The following NBL1 variants were observed in gnomAD, a reference collection of about 807,000 sequenced individuals.
NBL1 encodes neuroblastoma suppressor of tumorigenicity 1.
Under a neutral mutation model 16.0 loss-of-function variants are expected in NBL1, and 9 were observed. The ratio of observed to expected loss-of-function variants is 0.56; its 90% CI spans 0.34 to 0.98. The LOEUF (loss-of-function observed/expected upper bound fraction) is 0.98. NBL1 is among the 50% of genes least tolerant of loss of function. NBL1 has a pLI of 0.02. For synonymous variants in NBL1, 86 were observed against 100.7 expected (o/e 0.85, Z 0.87); for missense variants, 196 against 243.1 (o/e 0.81, Z 1.29).
chr1:19,656,958 G>C lies in NBL1; in HGVS notation c.375G>C (p.Lys125Asn). Residue 125 changes from lysine to asparagine, a missense_variant, in exon 4 of 4, where the codon AAG (lysine) becomes AAC (asparagine). By Grantham distance (94) the Lys-to-Asn change is moderately conservative. Transcript: ENST00000375136. ...ACTGTAGCTGCCAGGCCTGCGGCAAGGAGCCTAGTCACGAGGGGCTGAGCG... is the reference window on the plus strand; with the variant it reads ...ACTGTAGCTGCCAGGCCTGCGGCAACGAGCCTAGTCACGAGGGGCTGAGCG... ...ILHCSCQACG[K>N]EPSHEGLSVY... is the part of the protein sequence containing the mutation. 6.2e-7 allele frequency: 1 copy of C among 1,612,448 alleles called. No homozygotes were observed.
Position 19,657,323 on chromosome 1 carries a change from T to G in NBL1, c.*194T>G. On this transcript the variant is annotated 3_prime_UTR_variant, in exon 4 of 4. Coordinates refer to ENST00000375136, the MANE Select transcript of NBL1 (RefSeq NM_005380.8). ...TAGAGCCAAGCTGCACAATTTAATATATTCAAGAGTGGGGGGAGGAAGCAG... is the reference window on the plus strand; with the variant it reads ...TAGAGCCAAGCTGCACAATTTAATAGATTCAAGAGTGGGGGGAGGAAGCAG... The G allele has an allele frequency of 2.7e-6, 1 of 366,240 alleles. No homozygotes were observed. The highest frequency in any genetic ancestry group is 4.9e-6 in the Non-Finnish European group (1 of 203,090). 22.7% of individuals were successfully genotyped at this position (366,240 alleles called of 1,614,324 possible). A position where few individuals can be genotyped will look rare whatever the true frequency, so the allele number is the denominator to read the frequency against.
chr1:19,655,239 G>A, intron 2 of NBL1, 39 bp downstream of exon 2: 1 of 1,607,562 alleles, frequency 6.2e-7, no homozygotes, highest in Non-Finnish European at 8.5e-7. Context: ...GCGGACAGGG[G>A]TCCAAGGAGG....
rs1350071654 is a variant in NBL1 at position 19,644,856 on chromosome 1, C to T, written c.-20+410C>T. Among the ~76,000 whole-genome samples the T allele has an allele frequency of 6.6e-6, 1 of 152,166 alleles. No homozygotes were observed. Among genetic ancestry groups the T allele is most frequent in the Non-Finnish European group, 1.5e-5 (1 of 67,998 alleles). On this transcript the variant is annotated intron_variant, in intron 1 of 3. Transcript: ENST00000375136. The surrounding 1 kb of genome is among the most constrained non-coding windows in gnomAD (Gnocchi z 4.6). Reference sequence around the variant, plus strand: ...GCCTCTCGGCTCTGGACGTTTCCGCCTCCCGCGGCCCCCTCTGCTTCGGTC... The same window carrying T: ...GCCTCTCGGCTCTGGACGTTTCCGCTTCCCGCGGCCCCCTCTGCTTCGGTC...
At chr1:19,649,840 T>G (rs548975232) in intron 1 of NBL1, among the ~76,000 whole-genome samples, 1 of 152,192 alleles carries the variant, frequency 6.6e-6, no homozygotes, top group African/African-American at 2.4e-5. Flanking sequence ...TTTTAAATTT[T>G]TGTAGAGATG....
chr1:19,653,792 G>T (rs762690307), intron 1 of NBL1, among the ~76,000 whole-genome samples: 2 of 152,234 alleles, frequency 1.3e-5, no homozygotes, highest in Non-Finnish European at 2.9e-5. Flanking sequence ...TTTTTGCACT[G>T]GGGGGCATGG....
Position 19,644,498 on chromosome 1 carries a change from C to T in NBL1, c.-20+52C>T, listed in dbSNP as rs1018407197. The T allele has an allele frequency of 1.3e-4, 127 of 950,100 alleles. No homozygotes were observed. The East Asian group carries it at 0.013, about 95-fold the overall frequency. 58.9% of individuals were successfully genotyped at this position (950,100 alleles called of 1,614,324 possible). A position where few individuals can be genotyped will look rare whatever the true frequency, so the allele number is the denominator to read the frequency against. On this transcript the variant is annotated intron_variant, in intron 1 of 3. Coordinates refer to ENST00000375136, the MANE Select transcript of NBL1 (RefSeq NM_005380.8). The surrounding 1 kb of genome is among the most constrained non-coding windows in gnomAD (Gnocchi z 4.6). ...GGCGCCCGGCTTCCAGAGGCTTCGG[C>T]CGCGGGGGCAGTGCCGCGCCCCCAG...
In NBL1 at chr1:19,644,356, C is replaced by CCCCGCCCTGCCGGCCGCCT; in HGVS notation, c.-108_-90dup. 1.0e-6 allele frequency: 1 copy of CCCCGCCCTGCCGGCCGCCT among 978,470 alleles called. No homozygotes were observed. The highest frequency in any genetic ancestry group is 1.2e-6 in the Non-Finnish European group (1 of 826,852). The allele number at this position is 978,470 out of a possible 1,614,324, so 60.6% of individuals were successfully genotyped here. On this transcript the variant is annotated 5_prime_UTR_variant, in exon 1 of 4. Coordinates refer to ENST00000375136, the MANE Select transcript of NBL1 (RefSeq NM_005380.8). The surrounding 1 kb of genome is among the most constrained non-coding windows in gnomAD (Gnocchi z 4.6). Reference sequence around the variant, plus strand: ...CCCAGCCGAGCGTCGCGGGGCCGCCCCCCGCCCTGCCGGCCGCCTCGCCGA... The same window carrying CCCCGCCCTGCCGGCCGCCT: ...CCCAGCCGAGCGTCGCGGGGCCGCCCCCCGCCCTGCCGGCCGCCTCCCGCCCTGCCGGCCGCCTCGCCGA...
chr1:19,651,717 G>C (rs928599480), intron 1 of NBL1, among the ~76,000 whole-genome samples: 1 of 123,786 alleles, frequency 8.1e-6, no homozygotes, highest in Non-Finnish European at 1.7e-5. Context: ...TTTCCTTTTT[G>C]ACAGGTTCTT....
chr1:19,646,890 A>G (rs2094983820), intron 1 of NBL1, among the ~76,000 whole-genome samples: 1 of 152,182 alleles, frequency 6.6e-6, no homozygotes, highest in East Asian at 1.9e-4. Flanking sequence ...GTTTTCCCTA[A>G]ATCCAGTTTC....
At position 19,655,400 on chromosome 1, in the gene NBL1, G is replaced by C; in HGVS notation, c.247G>C (p.Asp83His). The C allele has an allele frequency of 6.2e-7, 1 of 1,614,128 alleles. No homozygotes were observed. Among genetic ancestry groups the C allele is most frequent in the Non-Finnish European group, 8.5e-7 (1 of 1,180,010 alleles). The change falls in exon 3 of 4, where the codon GAC (aspartate) becomes CAC (histidine). Residue 83 changes from aspartate to histidine, a missense_variant. Physicochemically the swap from Asp to His is moderately conservative, Grantham distance 81 (BLOSUM62 -1). Transcript: ENST00000375136. ...PQSTESLVHC[D>H]SCMPAQSMWE... ...GTCCACAGAGTCCCTGGTTCACTGT[G>C]ACTCCTGCATGCCAGCCCAGTCCAT... is the stretch of plus-strand genomic sequence containing the variant.
intron 3 of NBL1, 59 bp from the exon 4 acceptor site, chr1:19,656,806 CT>C: frequency 6.5e-7 from 1 of 1,539,246 alleles, no homozygotes; most frequent in Non-Finnish European, 8.8e-7. Flanking sequence ...ACCCTAGGGG[CT>C]GCCTTGCCTG....
At chr1:19,655,509 C>G (rs756095022) in intron 3 of NBL1, 74 bp downstream of exon 3, 91 of 1,526,042 alleles carry the variant, frequency 6.0e-5, no homozygotes, top group Non-Finnish European at 7.3e-5. Context: ...TCCCCAGGCT[C>G]CTGTATTCCA....
chr1:19,647,973 C>T (rs114005845), intron 1 of NBL1, among the ~76,000 whole-genome samples: 52 of 151,836 alleles, frequency 3.4e-4, no homozygotes, highest in Admixed American at 7.9e-4. Flanking sequence ...GTGTGTTCTG[C>T]GTTCATAGGG....
intron 1 of NBL1, among the ~76,000 whole-genome samples, chr1:19,650,920 C>G (rs1336147334): frequency 6.6e-6 from 1 of 152,164 alleles, no homozygotes; most frequent in Non-Finnish European, 1.5e-5. Context: ...GGATGACAGC[C>G]GTGTGTGGGA....
intron 1 of NBL1, among the ~76,000 whole-genome samples, chr1:19,651,345 G>T (rs2095024463): frequency 6.6e-6 from 1 of 152,196 alleles, no homozygotes; most frequent in Non-Finnish European, 1.5e-5. Context: ...CCCCTCTGTG[G>T]ACACAGCTGG....
chr1:19,652,368 A>G (rs2095031107), intron 1 of NBL1, among the ~76,000 whole-genome samples: 1 of 152,082 alleles, frequency 6.6e-6, no homozygotes, highest in African/African-American at 2.4e-5. Context: ...TTTTGTTAGG[A>G]TGTGGTTGTA....
At position 19,656,928 on chromosome 1, in the gene NBL1, C is replaced by G; in HGVS notation, c.345C>G (p.Ile115Met). 1 of 1,613,468 alleles carries G rather than the reference C, an allele frequency of 6.2e-7. No homozygotes were observed. The highest frequency in any genetic ancestry group is 8.5e-7 in the Non-Finnish European group (1 of 1,179,810). The change falls in exon 4 of 4, where the codon ATC becomes ATG. Residue 115 changes from isoleucine to methionine, a missense_variant. Transcript: ENST00000375136. ...GGGTGGACAAGCTGGTGGAGAAGAT[C>G]CTGCACTGTAGCTGCCAGGCCTGCG... ...VPRVDKLVEK[I>M]LHCSCQACGK...
chr1:19,644,591 C>G lies in NBL1; in HGVS notation c.-20+145C>G. Reference sequence around the variant, plus strand: ...CGGGTGGAGGCGCCGCCGCCGAGCTCAGGAGCCCTGGGGGACCTGGCGGGC... The same window carrying G: ...CGGGTGGAGGCGCCGCCGCCGAGCTGAGGAGCCCTGGGGGACCTGGCGGGC... On this transcript the variant is annotated intron_variant, in intron 1 of 3. Coordinates refer to ENST00000375136, the MANE Select transcript of NBL1 (RefSeq NM_005380.8). The surrounding 1 kb of genome is among the most constrained non-coding windows in gnomAD (Gnocchi z 4.6). 1 of 373,464 alleles carries G rather than the reference C, an allele frequency of 2.7e-6. No individual in the cohort carries two copies. Among genetic ancestry groups the G allele is most frequent in the African/African-American group, 2.2e-5 (1 of 44,760 alleles). The allele number at this position is 373,464 out of a possible 1,614,324, so 23.1% of individuals were successfully genotyped here.
intron 1 of NBL1, chr1:19,645,772 T>C (rs546592129): frequency 7.2e-7 from 1 of 1,393,568 alleles, no homozygotes; most frequent in African/African-American, 1.5e-5. Flanking sequence ...GCCTGTGTTT[T>C]GGAGGGGTGG....
Sources: allele counts gnomAD v4.1 joint callset (sites outside exome capture counted in the v4.1 genomes callset), GRCh38; gene constraint gnomAD v4.1.1; non-coding constraint Gnocchi (gnomAD v3.1); transcripts MANE v1.5; gene names NCBI Gene and HGNC (gene_info 2026-07-23, HGNC 2026-07-21).